The following PALS2 variants were observed in gnomAD, a reference collection of about 807,000 sequenced individuals.
The protein encoded by PALS2 is protein associated with LIN7 2, MAGUK p55 family member, also known as protein PALS2.
In PALS2, 27 loss-of-function variants were observed where a neutral mutation model predicts 61.6. The ratio of observed to expected loss-of-function variants is 0.44; its 90% CI spans 0.32 to 0.60. The LOEUF is 0.60. PALS2 is among the 20% of genes least tolerant of loss of function. PALS2 has a pLI of 0.05. For missense variants in PALS2, 554 were observed against 639.4 expected, an observed-to-expected ratio of 0.87 and a Z score of 1.44; for synonymous variants, 236 against 218.6, an observed-to-expected ratio of 1.08 and a Z score of -0.70.
chr7:24,598,074 A>G (rs913598881), intron 1 of PALS2, among the ~76,000 whole-genome samples: 20 of 152,184 alleles, frequency 1.3e-4, no homozygotes, highest in African/African-American at 3.4e-4. Context: ...AGGGCTGCCT[A>G]TATTGAAATG....
chr7:24,638,417 G>A lies in PALS2; in HGVS notation c.118-3299G>A, dbSNP rs1466522647. The stretch of plus-strand genomic sequence containing the variant: ...GGGATCTCGGCTCACTGCAAGCTCC[G>A]CCTCCCGGGTTCACGCCATTCTCCT... On this transcript the variant is annotated intron_variant, in intron 2 of 11. Transcript: ENST00000222644. Among the ~76,000 whole-genome samples the A allele has an allele frequency of 3.7e-4, 14 of 37,694 alleles. 4 individuals are homozygous for A. The highest frequency in any genetic ancestry group is 3.1e-3 in the African/African-American group (4 of 1,304). The allele number at this position is 37,694 out of a possible 152,430, so 24.7% of individuals were successfully genotyped here.
chr7:24,589,741 A>G (rs1378232782), intron 1 of PALS2, among the ~76,000 whole-genome samples: 2 of 152,208 alleles, frequency 1.3e-5, no homozygotes, highest in African/African-American at 4.8e-5. Flanking sequence ...GCTACATGAC[A>G]TGCAAAGTTA....
chr7:24,604,761 T>C (rs919215438), intron 1 of PALS2, among the ~76,000 whole-genome samples: 2 of 152,184 alleles, frequency 1.3e-5, no homozygotes, highest in Admixed American at 1.3e-4. Flanking sequence ...CATGACCTAG[T>C]CTAACCCTAA....
At chr7:24,575,790 A>T (rs1782621424) in intron 1 of PALS2, among the ~76,000 whole-genome samples, 1 of 152,226 alleles carries the variant, frequency 6.6e-6, no homozygotes. Context: ...AACAGCCAGA[A>T]AATAAAATTA....
chr7:24,641,621 A>G (rs1230278388), intron 2 of PALS2, 95 bp from the exon 3 acceptor site: 2 of 1,081,418 alleles, frequency 1.8e-6, no homozygotes, highest in Non-Finnish European at 2.6e-6. Flanking sequence ...ATCTCCAAGT[A>G]ATATATTTTA....
intron 1 of PALS2, among the ~76,000 whole-genome samples, chr7:24,575,712 A>G (rs1478120090): frequency 6.6e-6 from 1 of 152,216 alleles, no homozygotes; most frequent in African/African-American, 2.4e-5. Context: ...ATGGAGTAGC[A>G]TCATATTATT....
chr7:24,613,690 T>G (rs1784192949), intron 1 of PALS2, among the ~76,000 whole-genome samples: 1 of 151,868 alleles, frequency 6.6e-6, no homozygotes, highest in African/African-American at 2.4e-5. Flanking sequence ...AACTTATTCC[T>G]CATATCTAGC....
At chr7:24,666,118 C>T (rs750238493) in intron 8 of PALS2, 29 bp downstream of exon 8, 1 of 1,555,950 alleles carries the variant, frequency 6.4e-7, no homozygotes, top group East Asian at 2.2e-5. Flanking sequence ...TTGAGAAGTC[C>T]AAGTGAAGTA....
intron 5 of PALS2, among the ~76,000 whole-genome samples, chr7:24,656,093 A>T (rs1786402985): frequency 6.6e-6 from 1 of 152,230 alleles, no homozygotes; most frequent in South Asian, 2.1e-4. Context: ...CTTAGCAATG[A>T]TAATCACTTT....
At chr7:24,625,430 A>G (rs962242294) in intron 2 of PALS2, among the ~76,000 whole-genome samples, 1 of 152,252 alleles carries the variant, frequency 6.6e-6, no homozygotes, top group African/African-American at 2.4e-5. Flanking sequence ...ATGAATTTAA[A>G]ATATACTGTT....
At chr7:24,653,116 C>G (rs1027485052) in intron 5 of PALS2, among the ~76,000 whole-genome samples, 6 of 152,114 alleles carry the variant, frequency 3.9e-5, no homozygotes, top group Non-Finnish European at 8.8e-5. Context: ...TATTACAGGA[C>G]TGTTTCATTC....
At chr7:24,684,006 C>A (rs1013849287) in intron 11 of PALS2, among the ~76,000 whole-genome samples, 2 of 152,208 alleles carry the variant, frequency 1.3e-5, no homozygotes, top group Admixed American at 6.5e-5. Flanking sequence ...AGTATATCAA[C>A]ATAACCACCA....
chr7:24,680,520 C>A lies in PALS2; in HGVS notation c.1446C>A (p.Thr482=). 2 of 1,612,792 alleles carry A rather than the reference C, an allele frequency of 1.2e-6. No individual in the cohort carries two copies. The highest frequency in any genetic ancestry group is 1.7e-6 in the Non-Finnish European group (2 of 1,179,262). Residue 482 remains threonine (T), a splice_region_variant and synonymous_variant, in exon 11 of 12, where the codon ACC becomes ACA. Transcript: ENST00000222644. ...VDAGITTKLL[T]DSDLKKTVDE... The stretch of plus-strand genomic sequence containing the variant: ...CAGGAATCACTACCAAGCTTCTGAC[C>A]GTGAGCTAACCATACGATTTTCCTT...
intron 4 of PALS2, 52 bp downstream of exon 4, chr7:24,649,816 G>C: frequency 6.9e-7 from 1 of 1,440,174 alleles, no homozygotes. Context: ...GACATAATTT[G>C]TGGTTCAGTC....
chr7:24,585,458 C>G (rs980093882), intron 1 of PALS2, among the ~76,000 whole-genome samples: 2 of 152,030 alleles, frequency 1.3e-5, no homozygotes, highest in African/African-American at 4.8e-5. Context: ...CAACTTCTGT[C>G]CTAGAGATAG....
chr7:24,672,424 T>A, intron 9 of PALS2, among the ~76,000 whole-genome samples: 1 of 151,952 alleles, frequency 6.6e-6, no homozygotes, highest in Admixed American at 6.6e-5. Context: ...AGAGACTTGC[T>A]TTCACCATGT....
chr7:24,629,517 A>C (rs909153017), intron 2 of PALS2, among the ~76,000 whole-genome samples: 2 of 152,218 alleles, frequency 1.3e-5, no homozygotes, highest in Admixed American at 1.3e-4. Context: ...TCTGCACAAC[A>C]AAAGAAACTA....
chr7:24,624,939 T>C (rs1053727279), intron 2 of PALS2, among the ~76,000 whole-genome samples: 5 of 152,170 alleles, frequency 3.3e-5, no homozygotes, highest in African/African-American at 1.2e-4. Flanking sequence ...TGTTTACTTA[T>C]GCTAAAATCA....
At chr7:24,683,563 C>G (rs1788043112) in intron 11 of PALS2, among the ~76,000 whole-genome samples, 13 of 151,784 alleles carry the variant, frequency 8.6e-5, no homozygotes, top group Admixed American at 8.5e-4. Flanking sequence ...GGATAGCTTC[C>G]TTGCTATCTG....
Sources: gnomAD v4.1 joint callset for allele counts (sites outside exome capture counted in the v4.1 genomes callset) on GRCh38, gnomAD v4.1.1 for gene constraint, MANE v1.5 for transcripts, NCBI Gene and HGNC (gene_info 2026-07-23, HGNC 2026-07-21) for gene names.